The following NETO2 variants were observed in gnomAD, a reference collection of about 807,000 sequenced individuals.
The protein encoded by NETO2 is neuropilin and tolloid-like protein 2.
A neutral mutation model predicts 62.5 loss-of-function variants in NETO2; 28 were observed. That is an observed-to-expected ratio of 0.45 (90% CI 0.33 to 0.61). The LOEUF (loss-of-function observed/expected upper bound fraction) is 0.61. Among genes scored for constraint, NETO2 ranks in the 20% least tolerant of loss-of-function variants. The pLI is 0.02. For synonymous variants in NETO2, 214 were observed against 219.1 expected, an observed-to-expected ratio of 0.98 and a Z score of 0.21; for missense variants, 548 against 643.2, an observed-to-expected ratio of 0.85 and a Z score of 1.60.
At chr16:47,101,532 A>G (rs1356674302) in intron 7 of NETO2, among the ~76,000 whole-genome samples, 1 of 152,220 alleles carries the variant, frequency 6.6e-6, no homozygotes, top group Non-Finnish European at 1.5e-5. Flanking sequence ...ATATTTAGAA[A>G]ACCCCATCGT....
rs796336081 is a variant in NETO2 at position 47,079,855 on chromosome 16, A to C, written c.*3366T>G. 103 of 152,348 alleles carry C rather than the reference A, an allele frequency of 6.8e-4. 1 individual carries two copies. The highest frequency in any genetic ancestry group is 2.4e-3 in the African/African-American group (98 of 41,594). 9.4% of individuals were successfully genotyped at this position (152,348 alleles called of 1,614,324 possible). The stretch of plus-strand genomic sequence containing the variant: ...AGACCCCATTTTGCAATAAGAGTAT[A>C]ATCTCCTTTGAGAATTATTCCTGAA... On this transcript the variant is annotated 3_prime_UTR_variant, in exon 9 of 9. Coordinates refer to ENST00000562435, the MANE Select transcript of NETO2 (RefSeq NM_018092.5).
At chr16:47,119,261 C>T in intron 6 of NETO2, among the ~76,000 whole-genome samples, 1 of 151,568 alleles carries the variant, frequency 6.6e-6, no homozygotes, top group East Asian at 1.9e-4. Flanking sequence ...ACGCCATTCT[C>T]CTGCCTCAGC....
chr16:47,082,018 T>A lies in NETO2; in HGVS notation c.*1203A>T, dbSNP rs996757434. On this transcript the variant is annotated 3_prime_UTR_variant, in exon 9 of 9. Coordinates refer to ENST00000562435, the MANE Select transcript of NETO2 (RefSeq NM_018092.5). ...CACTGAAAGGAATCTGTCCTGTAGG[T>A]CTTTCATCTTGATTTAATAAAGTTT... 6.6e-6 allele frequency: 1 copy of A among 152,644 alleles called. No individual in the cohort carries two copies. Among genetic ancestry groups the A allele is most frequent in the Non-Finnish European group, 1.5e-5 (1 of 68,022 alleles). 9.5% of individuals were successfully genotyped at this position (152,644 alleles called of 1,614,324 possible).
chr16:47,084,179 G>A (rs78953592), intron 8 of NETO2, among the ~76,000 whole-genome samples: 3 of 152,280 alleles, frequency 2.0e-5, no homozygotes, highest in East Asian at 3.9e-4. Context: ...AGGTATACCC[G>A]CATCTACTGA....
In NETO2 at chr16:47,109,644, A is replaced by G; in HGVS notation, c.722T>C (p.Val241Ala). 2 of 1,614,126 alleles carry G rather than the reference A, an allele frequency of 1.2e-6. No individual in the cohort carries two copies. Among genetic ancestry groups the G allele is most frequent in the Non-Finnish European group, 1.7e-6 (2 of 1,180,000 alleles). The part of the protein sequence containing the change: ...SNECKRNFVA[V>A]YDGSSSIENL... ...TTCAATAGAACTGCTTCCATCATAGACTGCAACGAAGTTTCTCTTGCATTC... is the reference window on the plus strand; with the variant it reads ...TTCAATAGAACTGCTTCCATCATAGGCTGCAACGAAGTTTCTCTTGCATTC... The change falls in exon 7 of 9, where the codon GTC becomes GCC. Residue 241 changes from valine to alanine, a missense_variant. Transcript: ENST00000562435.
intron 6 of NETO2, among the ~76,000 whole-genome samples, chr16:47,115,020 T>A (rs959276337): frequency 1.3e-5 from 2 of 152,144 alleles, no homozygotes; most frequent in African/African-American, 4.8e-5. Flanking sequence ...CTCCACTCAA[T>A]TTCCTTTGAA....
chr16:47,090,323 A>C (rs1328137389), intron 7 of NETO2, among the ~76,000 whole-genome samples: 2 of 152,222 alleles, frequency 1.3e-5, no homozygotes, highest in African/African-American at 4.8e-5. Flanking sequence ...TATATTAATA[A>C]TTACACCTAC....
At chr16:47,095,298 G>A (rs1963406416) in intron 7 of NETO2, among the ~76,000 whole-genome samples, 1 of 152,172 alleles carries the variant, frequency 6.6e-6, no homozygotes, top group African/African-American at 2.4e-5. Flanking sequence ...TGGAGGAAAT[G>A]AGAGACAACA....
At chr16:47,105,161 TA>T (rs1340234442) in intron 7 of NETO2, among the ~76,000 whole-genome samples, 2 of 152,142 alleles carry the variant, frequency 1.3e-5, no homozygotes, top group East Asian at 3.8e-4. Flanking sequence ...GCCTCCTGTA[TA>T]GCTGGGACTA....
At chr16:47,108,931 A>C (rs1413643564) in intron 7 of NETO2, among the ~76,000 whole-genome samples, 1 of 152,210 alleles carries the variant, frequency 6.6e-6, no homozygotes, top group Non-Finnish European at 1.5e-5. Flanking sequence ...TAAATCTTTG[A>C]TGACCATAGT....
chr16:47,127,609 C>G (rs1309219435), intron 4 of NETO2, among the ~76,000 whole-genome samples: 1 of 152,194 alleles, frequency 6.6e-6, no homozygotes, highest in Non-Finnish European at 1.5e-5. Context: ...CTGGAAGGAG[C>G]AAAGACCGGA....
intron 2 of NETO2, 133 bp downstream of exon 2, chr16:47,131,836 G>A: frequency 1.4e-6 from 1 of 717,058 alleles, no homozygotes; most frequent in Non-Finnish European, 2.5e-6. Context: ...AGGCTGATGG[G>A]TTGACAGAAA....
At chr16:47,134,061 G>A (rs1964322756) in intron 1 of NETO2, among the ~76,000 whole-genome samples, 3 of 152,180 alleles carry the variant, frequency 2.0e-5, no homozygotes, top group Admixed American at 1.3e-4. Context: ...AGAGTCAAGT[G>A]CAACTTACAG....
chr16:47,124,928 C>G (rs1964124578), intron 4 of NETO2, among the ~76,000 whole-genome samples: 1 of 152,160 alleles, frequency 6.6e-6, no homozygotes. Context: ...TATACTTTGT[C>G]TATATTTTAA....
rs1963023431 is a variant in NETO2 at position 47,079,363 on chromosome 16, A to T, written c.*3858T>A. 1 of 151,190 alleles carries T rather than the reference A, an allele frequency of 6.6e-6. No homozygotes were observed. 9.4% of individuals were successfully genotyped at this position (151,190 alleles called of 1,614,324 possible). A position where few individuals can be genotyped will look rare whatever the true frequency, so the allele number is the denominator to read the frequency against. ...GTAATCCCAGCACTTTGGGAGGCCG[A>T]GGCGGGTGGATCACGAGGTCAGGAG... is the stretch of plus-strand genomic sequence containing the variant. On this transcript the variant is annotated 3_prime_UTR_variant, in exon 9 of 9. Coordinates refer to ENST00000562435, the MANE Select transcript of NETO2 (RefSeq NM_018092.5).
rs1963056127 is a variant in NETO2 at position 47,081,285 on chromosome 16, GGTGT to G, written c.*1932_*1935del. The G allele has an allele frequency of 6.6e-6, 1 of 152,058 alleles. No homozygotes were observed. The highest frequency in any genetic ancestry group is 2.4e-5 in the African/African-American group (1 of 41,446). The allele number at this position is 152,058 out of a possible 1,614,324, so 9.4% of individuals were successfully genotyped here. On this transcript the variant is annotated 3_prime_UTR_variant, in exon 9 of 9. Transcript: ENST00000562435. ...TTATTATGCTGTTCAAATGTTAGCT[GGTGT>G]AAGTTACCTACTAAAATGCTTATTC... is the stretch of plus-strand genomic sequence containing the variant.
intron 1 of NETO2, among the ~76,000 whole-genome samples, chr16:47,134,250 A>G (rs1964326405): frequency 6.6e-6 from 1 of 151,966 alleles, no homozygotes; most frequent in African/African-American, 2.4e-5. Context: ...TAATTCTTTG[A>G]CCTCTTCATC....
intron 8 of NETO2, 79 bp downstream of exon 8, chr16:47,086,147 G>C: frequency 2.3e-6 from 2 of 863,484 alleles, no homozygotes; most frequent in East Asian, 4.8e-5. Context: ...CACTGTTGTA[G>C]AAAATAACAT....
At chr16:47,126,165 A>T (rs953477710) in intron 4 of NETO2, among the ~76,000 whole-genome samples, 1 of 152,202 alleles carries the variant, frequency 6.6e-6, no homozygotes, top group African/African-American at 2.4e-5. Context: ...ATTTACTCAA[A>T]TGAATTAACT....
Sources: gnomAD v4.1 joint callset for allele counts (sites outside exome capture counted in the v4.1 genomes callset) on GRCh38, gnomAD v4.1.1 for gene constraint, MANE v1.5 for transcripts, NCBI Gene and HGNC (gene_info 2026-07-23, HGNC 2026-07-21) for gene names.